Variants in SAMD12 observed in about 807,000 individuals in gnomAD.
The protein encoded by SAMD12 is sterile alpha motif domain-containing protein 12.
Under a neutral mutation model 15.0 loss-of-function variants are expected in SAMD12, and 9 were observed. The observed-to-expected ratio is 0.60, with a 90% CI of 0.36 to 1.05. The LOEUF (loss-of-function observed/expected upper bound fraction) is 1.05. Among genes scored for constraint, SAMD12 ranks in the 50% least tolerant of loss-of-function variants. SAMD12 has a pLI of 0.01. For synonymous variants in SAMD12, 86 were observed against 90.1 expected, an observed-to-expected ratio of 0.96 and a Z score of 0.25; for missense variants, 230 against 234.2, an observed-to-expected ratio of 0.98 and a Z score of 0.12.
At chr8:118,310,866 T>C (rs1815592974) in intron 4 of SAMD12, among the ~76,000 whole-genome samples, 1 of 152,202 alleles carries the variant, frequency 6.6e-6, no homozygotes, top group East Asian at 1.9e-4. Flanking sequence ...TAACTAATAT[T>C]CCTACCAGAT....
intron 4 of SAMD12, among the ~76,000 whole-genome samples, chr8:118,214,122 A>G (rs1811901544): frequency 6.6e-6 from 1 of 152,154 alleles, no homozygotes; most frequent in South Asian, 2.1e-4. Context: ...CATAGTGGAA[A>G]CAAGCATGAA....
chr8:118,304,543 A>C (rs1235333622), intron 4 of SAMD12, among the ~76,000 whole-genome samples: 3 of 151,598 alleles, frequency 2.0e-5, no homozygotes, highest in Non-Finnish European at 4.4e-5. Context: ...GTGGATCATG[A>C]GGTCAGGAGA....
intron 2 of SAMD12, among the ~76,000 whole-genome samples, chr8:118,447,682 ATTTTT>A (rs995529163): frequency 6.9e-6 from 1 of 144,010 alleles, no homozygotes; most frequent in African/African-American, 2.7e-5. Context: ...CTTTCATTTT[ATTTTT>A]TTATTTTTTA....
chr8:118,451,341 C>T (rs1412801492), intron 2 of SAMD12, among the ~76,000 whole-genome samples: 1 of 152,162 alleles, frequency 6.6e-6, no homozygotes, highest in Non-Finnish European at 1.5e-5. Context: ...TGACTTTGTC[C>T]TAATCTGGGT....
the SAMD12 span, among the ~76,000 whole-genome samples, chr8:118,135,950 TTCCC>T: frequency 6.6e-6 from 1 of 152,188 alleles, no homozygotes; most frequent in Admixed American, 6.5e-5. Context: ...CCTTCCTTCC[TTCCC>T]ACTCCCCCGC....
intron 1 of SAMD12, among the ~76,000 whole-genome samples, chr8:118,603,307 C>T (rs1214134121): frequency 2.0e-5 from 3 of 152,106 alleles, no homozygotes; most frequent in Admixed American, 6.6e-5. Flanking sequence ...ACAAAATAGA[C>T]TCAAACCTAG....
intron 4 of SAMD12, among the ~76,000 whole-genome samples, chr8:118,208,325 T>G (rs1819925466): frequency 6.6e-6 from 1 of 152,202 alleles, no homozygotes; most frequent in Non-Finnish European, 1.5e-5. Flanking sequence ...AGTGATGACA[T>G]TTTGTCATAC....
chr8:118,553,467 C>G (rs1186057142), intron 2 of SAMD12, among the ~76,000 whole-genome samples: 1 of 152,206 alleles, frequency 6.6e-6, no homozygotes, highest in Non-Finnish European at 1.5e-5. Context: ...GCTGGGAAAA[C>G]TTGCTAGCCA....
chr8:118,549,004 T>A (rs1435263686), intron 2 of SAMD12, among the ~76,000 whole-genome samples: 1 of 152,224 alleles, frequency 6.6e-6, no homozygotes, highest in Non-Finnish European at 1.5e-5. Context: ...CAGGCTTGCT[T>A]AGGTAAACGA....
intron 3 of SAMD12, among the ~76,000 whole-genome samples, chr8:118,429,260 C>A (rs1175989722): frequency 6.6e-6 from 1 of 152,206 alleles, no homozygotes; most frequent in South Asian, 2.1e-4. Flanking sequence ...TCTGAAAATT[C>A]AAGATCTGAA....
At chr8:118,603,724 C>T (rs1408494567) in intron 1 of SAMD12, among the ~76,000 whole-genome samples, 1 of 152,096 alleles carries the variant, frequency 6.6e-6, no homozygotes, top group Non-Finnish European at 1.5e-5. Context: ...GAAAGCAAAT[C>T]CAAAGGCAGC....
chr8:118,588,819 TC>T (rs1827511534), intron 1 of SAMD12, among the ~76,000 whole-genome samples: 1 of 152,146 alleles, frequency 6.6e-6, no homozygotes, highest in Admixed American at 6.6e-5. Context: ...ATTCTGTACT[TC>T]CCCACTCCCA....
At chr8:118,483,507 T>G (rs1165036544) in intron 2 of SAMD12, among the ~76,000 whole-genome samples, 1 of 152,194 alleles carries the variant, frequency 6.6e-6, no homozygotes, top group African/African-American at 2.4e-5. Context: ...GAGACCAAGG[T>G]TGCCATCTAG....
At chr8:118,282,743 G>A (rs1381843169) in intron 4 of SAMD12, among the ~76,000 whole-genome samples, 1 of 152,106 alleles carries the variant, frequency 6.6e-6, no homozygotes, top group Non-Finnish European at 1.5e-5. Context: ...AGGTTTTAAA[G>A]CAATTATGAC....
chr8:118,135,264 C>T, the SAMD12 span, among the ~76,000 whole-genome samples: 13 of 152,102 alleles, frequency 8.5e-5, no homozygotes, highest in African/African-American at 2.4e-5. Context: ...TCACTGAAAC[C>T]TCCGCCTCCC....
rs74340078 is a variant in SAMD12, at chr8:118,599,412, A to C, written c.14-18519T>G. 5.3e-4 allele frequency among the ~76,000 whole-genome samples: 80 copies of C among 152,310 alleles called. 3 individuals are homozygous for C. The East Asian group carries it at 0.015, about 29-fold the overall frequency. On this transcript the variant is annotated intron_variant, in intron 1 of 3. Transcript: ENST00000314727. ...TCACGTGCTCCGAGAACCAAGTGACAACCATGTGCACATGAGAACGCAGTC... is the reference window on the plus strand; with the variant it reads ...TCACGTGCTCCGAGAACCAAGTGACCACCATGTGCACATGAGAACGCAGTC...
chr8:118,539,366 C>T (rs1825930932), intron 2 of SAMD12, among the ~76,000 whole-genome samples: 1 of 152,094 alleles, frequency 6.6e-6, no homozygotes, highest in Non-Finnish European at 1.5e-5. Flanking sequence ...TGATAATTAC[C>T]CTAGAAGAAG....
At chr8:118,415,448 G>GGGGTGTGTGT (rs1554658041) in intron 3 of SAMD12, among the ~76,000 whole-genome samples, 14 of 142,858 alleles carry the variant, frequency 9.8e-5, no homozygotes, top group African/African-American at 3.4e-4. Flanking sequence ...CTTGTCCTAA[G>GGGGTGTGTGT]GTGTGTGTGT....
intron 2 of SAMD12, among the ~76,000 whole-genome samples, chr8:118,463,087 C>A (rs905527430): frequency 2.8e-5 from 3 of 107,794 alleles, no homozygotes; most frequent in Non-Finnish European, 5.1e-5. Flanking sequence ...GGCGACAGAG[C>A]GAAACTCCGT....
Sources: allele counts gnomAD v4.1 joint callset (sites outside exome capture counted in the v4.1 genomes callset), GRCh38; gene constraint gnomAD v4.1.1; transcripts MANE v1.5; gene names NCBI Gene and HGNC (gene_info 2026-07-23, HGNC 2026-07-21).